Variants in ADGRV1 observed in about 807,000 individuals in gnomAD.
The protein encoded by ADGRV1 is G-protein coupled receptor 98.
A neutral mutation model predicts 596.2 loss-of-function variants in ADGRV1; 359 were observed. The ratio of observed to expected loss-of-function variants is 0.60; its 90% CI spans 0.55 to 0.66. ADGRV1 has a LOEUF of 0.66. ADGRV1 is among the 30% of genes least tolerant of loss of function. The probability of loss-of-function intolerance (pLI) is 0.00; values close to 1 mark genes in which losing one functional copy is unlikely to be tolerated. For synonymous variants in ADGRV1, 2,681 were observed against 2,679.2 expected (o/e 1.00, Z -0.02); for missense variants, 7,274 against 7,575.6 (o/e 0.96, Z 1.48).
rs574512561 is a variant in ADGRV1 at position 90,959,941 on chromosome 5, C to T, written c.17857-5474C>T. 1.7e-3 allele frequency among the ~76,000 whole-genome samples: 263 copies of T among 152,080 alleles called. 2 individuals are homozygous for T. Among genetic ancestry groups the T allele is most frequent in the Admixed American group, 8.3e-3 (127 of 15,280 alleles). On this transcript the variant is annotated intron_variant, in intron 83 of 89. Coordinates refer to ENST00000405460, the MANE Select transcript of ADGRV1 (RefSeq NM_032119.4). ...GATCACGAGGTCAGGAGATCAAGAC[C>T]ATCCTGGCTAACACGGTGAAACCCC...
At chr5:90,860,870 C>T (rs375797619) in intron 82 of ADGRV1, among the ~76,000 whole-genome samples, 13 of 152,100 alleles carry the variant, frequency 8.5e-5, no homozygotes, top group East Asian at 3.9e-4. Context: ...CATGAGAAAA[C>T]GTACTAATAC....
At chr5:91,022,816 G>C (rs927455134) in intron 85 of ADGRV1, among the ~76,000 whole-genome samples, 2 of 152,090 alleles carry the variant, frequency 1.3e-5, no homozygotes, top group Non-Finnish European at 2.9e-5. Context: ...ATGTAATTTA[G>C]TTTCCCTTAA....
intron 85 of ADGRV1, among the ~76,000 whole-genome samples, chr5:91,034,076 G>T (rs1027884842): frequency 6.6e-6 from 1 of 152,024 alleles, no homozygotes; most frequent in Non-Finnish European, 1.5e-5. Context: ...GTGATAACCC[G>T]ATTTTTTCTA....
intron 83 of ADGRV1, among the ~76,000 whole-genome samples, chr5:90,950,955 C>T (rs1214489992): frequency 6.6e-6 from 1 of 152,116 alleles, no homozygotes; most frequent in Non-Finnish European, 1.5e-5. Flanking sequence ...TAGGTCACAA[C>T]AAAGATAAGC....
intron 21 of ADGRV1, among the ~76,000 whole-genome samples, chr5:90,664,763 C>T (rs1771008834): frequency 7.9e-6 from 1 of 126,178 alleles, no homozygotes; most frequent in South Asian, 2.9e-4. Context: ...TCATAGATAG[C>T]TCTTATTATT....
intron 77 of ADGRV1, among the ~76,000 whole-genome samples, chr5:90,833,852 G>A (rs1020237491): frequency 6.6e-6 from 1 of 152,014 alleles, no homozygotes; most frequent in Non-Finnish European, 1.5e-5. Context: ...AGGATAATTT[G>A]ACTTCTTCCT....
chr5:90,796,285 G>T (rs558208604), intron 70 of ADGRV1, among the ~76,000 whole-genome samples: 4 of 152,200 alleles, frequency 2.6e-5, no homozygotes, highest in African/African-American at 9.6e-5. Context: ...GAACATAAAT[G>T]ACCTGATGGA....
At chr5:90,591,075 AG>A (rs559262966) in intron 1 of ADGRV1, among the ~76,000 whole-genome samples, 29 of 152,268 alleles carry the variant, frequency 1.9e-4, no homozygotes, top group African/African-American at 6.0e-4. Flanking sequence ...CATCACCTCA[AG>A]CATTTATCCT....
At chr5:91,141,505 C>A (rs1795096841) in intron 87 of ADGRV1, among the ~76,000 whole-genome samples, 1 of 151,970 alleles carries the variant, frequency 6.6e-6, no homozygotes, top group Non-Finnish European at 1.5e-5. Flanking sequence ...ATTGTGGATT[C>A]TTATTATAAA....
intron 83 of ADGRV1, among the ~76,000 whole-genome samples, chr5:90,902,948 C>T (rs529544202): frequency 2.6e-5 from 4 of 152,106 alleles, no homozygotes; most frequent in African/African-American, 4.8e-5. Flanking sequence ...GAAACTATTT[C>T]GAAAGGGATG....
chr5:91,072,576 T>C lies in ADGRV1; in HGVS notation c.18282T>C (p.Asp6094=). 1 of 1,613,862 alleles carries C rather than the reference T, an allele frequency of 6.2e-7. No individual in the cohort carries two copies. The highest frequency in any genetic ancestry group is 8.5e-7 in the Non-Finnish European group (1 of 1,179,764). ...AGCCACAGTGGAAAGCATATGATGA[T>C]GTCTTCAGAGGAAGGACAAATGCTG... ...QVKPQWKAYD[D]VFRGRTNAAE... The change falls in exon 86 of 90, where the codon GAT becomes GAC. Residue 6094 remains aspartate, a synonymous_variant. Coordinates refer to ENST00000405460, the MANE Select transcript of ADGRV1 (RefSeq NM_032119.4).
intron 85 of ADGRV1, among the ~76,000 whole-genome samples, chr5:90,994,532 G>A (rs957397475): frequency 6.6e-6 from 1 of 151,964 alleles, no homozygotes; most frequent in Non-Finnish European, 1.5e-5. Flanking sequence ...TAAAGTATTT[G>A]TTCAGTAAAT....
chr5:90,875,987 T>C (rs191960581), intron 83 of ADGRV1, among the ~76,000 whole-genome samples: 15 of 152,296 alleles, frequency 9.8e-5, no homozygotes, highest in Non-Finnish European at 2.9e-5. Context: ...TGTTAGTATG[T>C]TGAAATTGAG....
intron 85 of ADGRV1, among the ~76,000 whole-genome samples, chr5:91,032,003 G>A (rs1166947344): frequency 6.6e-6 from 1 of 151,574 alleles, no homozygotes; most frequent in Non-Finnish European, 1.5e-5. Context: ...AGGAGAATCA[G>A]AAGTGCCACA....
intron 70 of ADGRV1, chr5:90,792,243 C>T (rs1760163424): frequency 6.6e-6 from 1 of 152,188 alleles, no homozygotes; most frequent in Non-Finnish European, 1.5e-5. Flanking sequence ...CCCAAATCAA[C>T]TCCATGAAGG....
intron 33 of ADGRV1, among the ~76,000 whole-genome samples, chr5:90,695,866 G>A (rs914325591): frequency 3.9e-5 from 6 of 152,086 alleles, no homozygotes; most frequent in Non-Finnish European, 7.4e-5. Flanking sequence ...AAAATGTGAC[G>A]AGGAGGGAGT....
intron 87 of ADGRV1, among the ~76,000 whole-genome samples, chr5:91,139,955 G>T (rs924249077): frequency 1.2e-4 from 19 of 152,184 alleles, no homozygotes; most frequent in Non-Finnish European, 2.5e-4. Flanking sequence ...TGCCTGACCA[G>T]TCAGTTGTTC....
At position 90,854,299 on chromosome 5, in the gene ADGRV1, G is replaced by C. The variant is rs916474258; in HGVS notation, c.17594+98G>C. On this transcript the variant is annotated intron_variant, in intron 81 of 89. Transcript: ENST00000405460. ...GTACTGAGCATAGATGGTGGCCCCA[G>C]ATGACATTAGACTGGAAAATAACCT... 5.2e-5 allele frequency: 41 copies of C among 789,958 alleles called. 1 individual carries two copies. The Middle Eastern group carries it at 1.2e-3, about 23-fold the overall frequency. The allele number at this position is 789,958 out of a possible 1,614,324, so 48.9% of individuals were successfully genotyped here.
chr5:90,647,812 T>C (rs958134307), intron 17 of ADGRV1, 48 bp downstream of exon 17: 1 of 1,540,824 alleles, frequency 6.5e-7, no homozygotes, highest in African/African-American at 1.4e-5. Context: ...AGTGCTTTAA[T>C]AAGATGAAAT....
Sources: allele counts gnomAD v4.1 joint callset (sites outside exome capture counted in the v4.1 genomes callset), GRCh38; gene constraint gnomAD v4.1.1; transcripts MANE v1.5; gene names NCBI Gene and HGNC (gene_info 2026-07-23, HGNC 2026-07-21).